DLEC1: variants seen among roughly 807,000 people sequenced by gnomAD.
DLEC1 encodes the protein DLEC1 cilia and flagella associated protein, also known as deleted in lung and esophageal cancer protein 1.
DLEC1 carries 146 observed loss-of-function variants against 198.1 expected under a neutral mutation model. The ratio of observed to expected loss-of-function variants is 0.74; its 90% CI spans 0.64 to 0.85. The LOEUF (loss-of-function observed/expected upper bound fraction) is 0.85, where lower values mean the gene tolerates loss of function less well. DLEC1 is among the 40% of genes least tolerant of loss of function. The pLI is 0.00. For synonymous variants in DLEC1, 897 were observed against 866.8 expected, an observed-to-expected ratio of 1.03 and a Z score of -0.61; for missense variants, 2,233 against 2,220.0, an observed-to-expected ratio of 1.01 and a Z score of -0.12.
At chr3:38,117,122 T>G (rs752762486) in intron 30 of DLEC1, 22 bp downstream of exon 30, 62 of 1,613,402 alleles carry the variant, frequency 3.8e-5, no homozygotes, top group Non-Finnish European at 5.1e-5. Context: ...CGGCCTGGGG[T>G]GGGGGCCGCA....
In DLEC1 at chr3:38,108,389, C is replaced by T. The variant is rs1015970517; in HGVS notation, c.3019-16C>T. ...AGCCCAGTAAGTGACAACAGGCTCA[C>T]TCATGTGTCTGCCAGCTCCTCGGAC... On this transcript the variant is annotated splice_polypyrimidine_tract_variant and intron_variant, in intron 20 of 36. Coordinates refer to ENST00000308059, the MANE Select transcript of DLEC1 (RefSeq NM_007335.4). The T allele has an allele frequency of 6.2e-7, 1 of 1,608,486 alleles. No individual in the cohort carries two copies. The highest frequency in any genetic ancestry group is 8.5e-7 in the Non-Finnish European group (1 of 1,175,396).
chr3:38,091,059 T>C (rs1559437674), intron 10 of DLEC1, among the ~76,000 whole-genome samples: 3 of 152,138 alleles, frequency 2.0e-5, no homozygotes. Flanking sequence ...ATTAATAAAA[T>C]GGATTAAAGA....
chr3:38,060,075 G>C (rs1340342041), intron 3 of DLEC1, among the ~76,000 whole-genome samples: 1 of 152,182 alleles, frequency 6.6e-6, no homozygotes, highest in East Asian at 1.9e-4. Flanking sequence ...TCTCCATGTG[G>C]ACTATGATGC....
At chr3:38,114,251 C>T (rs1700035575) in intron 25 of DLEC1, 91 bp from the exon 26 acceptor site, 2 of 1,313,728 alleles carry the variant, frequency 1.5e-6, no homozygotes, top group Non-Finnish European at 2.2e-6. Flanking sequence ...TGTGGGGCCC[C>T]TGGGCTGGCT....
intron 6 of DLEC1, among the ~76,000 whole-genome samples, chr3:38,082,721 TC>T (rs955959920): frequency 5.4e-5 from 8 of 147,332 alleles, no homozygotes; most frequent in African/African-American, 2.0e-4. Flanking sequence ...TACTTGCCCC[TC>T]CCCCAGAAAA....
chr3:38,102,778 A>G (rs1348926234), intron 19 of DLEC1, among the ~76,000 whole-genome samples: 3 of 152,230 alleles, frequency 2.0e-5, no homozygotes, highest in African/African-American at 2.4e-5. Context: ...GAGAAAACCC[A>G]TACTGGGCAG....
chr3:38,041,286 G>T (rs970817577), intron 1 of DLEC1, among the ~76,000 whole-genome samples: 1 of 151,832 alleles, frequency 6.6e-6, no homozygotes. Flanking sequence ...ACAGGCATGA[G>T]CCACCACATC....
chr3:38,075,608 G>T (rs951622274), intron 6 of DLEC1, among the ~76,000 whole-genome samples: 6 of 152,040 alleles, frequency 3.9e-5, no homozygotes, highest in Admixed American at 3.9e-4. Flanking sequence ...GTGGGAAAGG[G>T]GTCGGGGCGT....
At chr3:38,078,895 T>G (rs1051608838) in intron 6 of DLEC1, among the ~76,000 whole-genome samples, 1 of 152,204 alleles carries the variant, frequency 6.6e-6, no homozygotes, top group Non-Finnish European at 1.5e-5. Flanking sequence ...GTAAGGCTTG[T>G]CTGGTTTTAG....
At position 38,111,747 on chromosome 3, in the gene DLEC1, G is replaced by A. The variant is rs767905086; in HGVS notation, c.3514G>A (p.Asp1172Asn). The change falls in exon 24 of 37, where the codon GAT (aspartate) becomes AAT (asparagine). Residue 1172 changes from aspartate (D) to asparagine (N), a missense_variant and splice_region_variant. Asp to Asn is a conservative substitution (Grantham distance 23). Transcript: ENST00000308059. ...QEHLAKREQL[D>N]FMESMLSHGK... ...GCACCTGGCCAAGCGAGAGCAGCTG[G>A]GTAAGCGCCACCAGGGTGGGGCTTC... is the stretch of plus-strand genomic sequence containing the variant. 2 of 1,611,062 alleles carry A rather than the reference G, an allele frequency of 1.2e-6. No homozygotes were observed. The highest frequency in any genetic ancestry group is 2.2e-5 in the South Asian group (2 of 90,934).
intron 19 of DLEC1, among the ~76,000 whole-genome samples, 176 bp from the exon 20 acceptor site, chr3:38,107,408 T>C (rs1462788085): frequency 6.6e-6 from 1 of 152,218 alleles, no homozygotes; most frequent in Non-Finnish European, 1.5e-5. Context: ...ATGTGATTCA[T>C]TTTTGTATAT....
intron 9 of DLEC1, among the ~76,000 whole-genome samples, chr3:38,086,896 G>A (rs1698485951): frequency 6.6e-6 from 1 of 152,066 alleles, no homozygotes; most frequent in Non-Finnish European, 1.5e-5. Flanking sequence ...CCAATATGAT[G>A]AAACACCGTC....
chr3:38,083,318 G>T (rs1698158809), intron 6 of DLEC1, among the ~76,000 whole-genome samples: 1 of 151,354 alleles, frequency 6.6e-6, no homozygotes, highest in Non-Finnish European at 1.5e-5. Flanking sequence ...ATAAGATTTG[G>T]GTGGGTAAAG....
At chr3:38,045,372 C>T (rs1295927971) in intron 1 of DLEC1, among the ~76,000 whole-genome samples, 171 bp from the exon 2 acceptor site, 1 of 152,122 alleles carries the variant, frequency 6.6e-6, no homozygotes, top group African/African-American at 2.4e-5. Context: ...AACCATTCCC[C>T]TCTATGGGTC....
rs1319702279 is a variant in DLEC1, at chr3:38,093,454, GC to G, written c.1757-150del. Reference sequence around the variant, plus strand: ...AAGATGTGAGAACATTAACCTGTGGGCGGATATCCCCCTTTTCCCTCCAGTG... The same window carrying G: ...AAGATGTGAGAACATTAACCTGTGGGGGATATCCCCCTTTTCCCTCCAGTG... On this transcript the variant is annotated intron_variant, in intron 11 of 36. Transcript: ENST00000308059. 3 of 874,746 alleles carry G rather than the reference GC, an allele frequency of 3.4e-6. No individual in the cohort carries two copies. The African/African-American group carries it at 5.0e-5, about 15-fold the overall frequency. 54.2% of individuals were successfully genotyped at this position (874,746 alleles called of 1,614,324 possible).
At chr3:38,102,888 C>G (rs1559449649) in intron 19 of DLEC1, among the ~76,000 whole-genome samples, 1 of 152,228 alleles carries the variant, frequency 6.6e-6, no homozygotes, top group Non-Finnish European at 1.5e-5. Context: ...TCCAGTGTTA[C>G]TGCAGGCTCT....
chr3:38,098,768 A>G (rs567720208), intron 18 of DLEC1, among the ~76,000 whole-genome samples: 92 of 152,308 alleles, frequency 6.0e-4, no homozygotes, highest in African/African-American at 2.1e-3. Context: ...TCTGCAGGAA[A>G]GTGGGCTTTC....
chr3:38,095,982 G>A lies in DLEC1; in HGVS notation c.2171+36G>A, dbSNP rs376359938. ...CTGGGCCCTGGATGAGAAGTGGGCAGCTGGGCCTTCCCCCACCTTGGGGGT... is the reference window on the plus strand; with the variant it reads ...CTGGGCCCTGGATGAGAAGTGGGCAACTGGGCCTTCCCCCACCTTGGGGGT... On this transcript the variant is annotated intron_variant, in intron 14 of 36. Transcript: ENST00000308059. 134 of 1,611,338 alleles carry A rather than the reference G, an allele frequency of 8.3e-5. No homozygotes were observed. The African/African-American group carries it at 1.7e-3, about 21-fold the overall frequency.
chr3:38,084,303 G>GTGGTAATAGTAGTGGTGGTATTAT (rs1698235562), intron 7 of DLEC1, 58 bp downstream of exon 7: 1 of 1,440,228 alleles, frequency 6.9e-7, no homozygotes, highest in Non-Finnish European at 9.7e-7. Context: ...GGTGGTATTA[G>GTGGTAATAGTAGTGGTGGTATTAT]TAGTAATAGT....
Sources: allele counts gnomAD v4.1 joint callset (sites outside exome capture counted in the v4.1 genomes callset), GRCh38; gene constraint gnomAD v4.1.1; transcripts MANE v1.5; gene names NCBI Gene and HGNC (gene_info 2026-07-23, HGNC 2026-07-21).